Variants in POLR3C observed in about 807,000 individuals in gnomAD.
POLR3C encodes DNA-directed RNA polymerase III subunit RPC3.
POLR3C carries 44 observed loss-of-function variants against 65.9 expected under a neutral mutation model. The ratio of observed to expected loss-of-function variants is 0.67; its 90% CI spans 0.52 to 0.86. The LOEUF is 0.86. Ranked by LOEUF, POLR3C falls within the 40% of genes least tolerant of loss-of-function variation. POLR3C has a pLI of 0.00. For missense variants in POLR3C, 576 were observed against 653.2 expected, an observed-to-expected ratio of 0.88 and a Z score of 1.29; for synonymous variants, 263 against 231.6, an observed-to-expected ratio of 1.14 and a Z score of -1.23.
At position 145,844,348 on chromosome 1, in the gene POLR3C, TG is replaced by T. The variant is rs1414038067; in HGVS notation, c.*1930del. Among the ~76,000 whole-genome samples, 3 of 152,162 alleles carry T rather than the reference TG, an allele frequency of 2.0e-5. No homozygotes were observed. Among genetic ancestry groups the T allele is most frequent in the Admixed American group, 1.3e-4 (2 of 15,278 alleles). The stretch of plus-strand genomic sequence containing the variant: ...TGAAATCCTGTCATTGGCAGCAACA[TG>T]GATGGAATTGGAGGTCATTATGTTA... On this transcript the variant is annotated 3_prime_UTR_variant, in exon 15 of 15. Coordinates refer to ENST00000334163, the MANE Select transcript of POLR3C (RefSeq NM_006468.8).
chr1:145,831,833 G>T (rs1176201325), intron 5 of POLR3C, among the ~76,000 whole-genome samples: 1 of 152,158 alleles, frequency 6.6e-6, no homozygotes, highest in Non-Finnish European at 1.5e-5. Flanking sequence ...CTTGAGCCTA[G>T]GAATTTGAGA....
chr1:145,838,156 G>A lies in POLR3C; in HGVS notation c.1171G>A (p.Ala391Thr). The A allele has an allele frequency of 1.2e-6, 2 of 1,613,712 alleles. No homozygotes were observed. Among genetic ancestry groups the A allele is most frequent in the South Asian group, 1.1e-5 (1 of 91,068 alleles). ...EDFAMIPAKE[A>T]KDMLYKMLSE... is the part of the protein sequence containing the mutation. ...CTTTGCAATGATTCCTGCAAAGGAG[G>A]CAAAGGATATGCTATATAAGATGCT... The change falls in exon 11 of 15, where the codon GCA becomes ACA. Residue 391 changes from alanine (A) to threonine (T), a missense_variant. Coordinates refer to ENST00000334163, the MANE Select transcript of POLR3C (RefSeq NM_006468.8).
At position 145,842,358 on chromosome 1, in the gene POLR3C, C is replaced by T; in HGVS notation, c.1543C>T (p.Gln515Ter). Residue 515 changes from glutamine to a stop codon, truncating the protein, a stop_gained, in exon 15 of 15, where the codon CAG (glutamine) becomes TAG (stop). Coordinates refer to ENST00000334163, the MANE Select transcript of POLR3C (RefSeq NM_006468.8). LOFTEE classifies it high-confidence loss of function. ...ACTCAGGTTGGATGCCAGTGAGATC[C>T]AGGTGGACGAAACCATCTTCCTGCT... is the stretch of plus-strand genomic sequence containing the variant. The part of the protein sequence containing the change: ...NVNKLDASEI[Q>*]VDETIFLLES... The T allele has an allele frequency of 1.2e-6, 2 of 1,609,462 alleles. No homozygotes were observed. The highest frequency in any genetic ancestry group is 1.7e-6 in the Non-Finnish European group (2 of 1,176,586).
intron 14 of POLR3C, among the ~76,000 whole-genome samples, chr1:145,841,294 A>G (rs782804613): frequency 2.0e-5 from 3 of 152,166 alleles, no homozygotes; most frequent in Non-Finnish European, 2.9e-5. Context: ...TCAAGTACTG[A>G]TAAATTTTTT....
At chr1:145,828,937 AAGC>A (rs1248567409) in intron 5 of POLR3C, 100 bp downstream of exon 5, 2 of 704,590 alleles carry the variant, frequency 2.8e-6, no homozygotes, top group African/African-American at 3.5e-5. Context: ...CTGAGCTAAG[AAGC>A]AGTAGGATTA....
chr1:145,838,251 C>T (rs782589791), intron 11 of POLR3C, 45 bp downstream of exon 11: 3 of 1,554,464 alleles, frequency 1.9e-6, no homozygotes, highest in African/African-American at 2.7e-5. Flanking sequence ...CAAAGCTGGC[C>T]TAGGGTGAGA....
intron 2 of POLR3C, 102 bp downstream of exon 2, chr1:145,826,025 A>C (rs1453141037): frequency 1.1e-6 from 1 of 916,846 alleles, no homozygotes; most frequent in Non-Finnish European, 1.7e-6. Flanking sequence ...AAAATGAAGA[A>C]AGCCTGCCCT....
chr1:145,834,841 T>C (rs1306352447), intron 7 of POLR3C, among the ~76,000 whole-genome samples: 2 of 152,020 alleles, frequency 1.3e-5, no homozygotes, highest in Non-Finnish European at 2.9e-5. Context: ...TTTATATTGT[T>C]TATTTTAAAG....
intron 10 of POLR3C, 68 bp downstream of exon 10, chr1:145,837,664 A>T: frequency 9.7e-7 from 1 of 1,031,958 alleles, no homozygotes; most frequent in South Asian, 1.3e-5. Context: ...TTTGATCATT[A>T]TGTAAGCCAC....
At chr1:145,832,776 C>T (rs1209865464) in intron 5 of POLR3C, among the ~76,000 whole-genome samples, 1 of 152,122 alleles carries the variant, frequency 6.6e-6, no homozygotes, top group Non-Finnish European at 1.5e-5. Context: ...ATAATCCCAG[C>T]ACTTGGAGTC....
intron 5 of POLR3C, among the ~76,000 whole-genome samples, chr1:145,832,577 AAAG>A (rs1444589969): frequency 2.6e-5 from 4 of 152,168 alleles, no homozygotes; most frequent in African/African-American, 9.7e-5. Flanking sequence ...CAAGAACAAA[AAAG>A]AAATGTGGTG....
Position 145,825,811 on chromosome 1 carries a change from T to A in POLR3C, c.35T>A (p.Leu12Ter). Residue 12 changes from leucine to a stop codon, truncating the protein, a stop_gained, in exon 2 of 15, where the codon TTG (leucine) becomes TAG (stop). Coordinates refer to ENST00000334163, the MANE Select transcript of POLR3C (RefSeq NM_006468.8). LOFTEE classifies it high-confidence loss of function. ...GCAGAAATTAAGCTCTGTTCTTTGT[T>A]GCTGCAAGAGCATTTTGGAGAGATT... ...TQAEIKLCSL[L>*]LQEHFGEIVE... 1 of 1,613,550 alleles carries A rather than the reference T, an allele frequency of 6.2e-7. No individual in the cohort carries two copies. Among genetic ancestry groups the A allele is most frequent in the Non-Finnish European group, 8.5e-7 (1 of 1,179,428 alleles).
intron 4 of POLR3C, among the ~76,000 whole-genome samples, 182 bp from the exon 5 acceptor site, chr1:145,828,567 T>C (rs368388900): frequency 6.6e-6 from 1 of 152,170 alleles, no homozygotes; most frequent in South Asian, 2.1e-4. Context: ...TTTTTGAACA[T>C]GTTGAGTTTC....
rs115074323 is a variant in POLR3C, at chr1:145,839,657, G to A, written c.1222-233G>A. ...CTGAGGTGGGAGGATTGCTTGAGCCGGAGGTGGAAGTTGCAGTGAGCTGAT... is the reference window on the plus strand; with the variant it reads ...CTGAGGTGGGAGGATTGCTTGAGCCAGAGGTGGAAGTTGCAGTGAGCTGAT... On this transcript the variant is annotated intron_variant, in intron 11 of 14. Coordinates refer to ENST00000334163, the MANE Select transcript of POLR3C (RefSeq NM_006468.8). 509 of 416,744 alleles carry A rather than the reference G, an allele frequency of 1.2e-3. 2 individuals are homozygous for A. Among genetic ancestry groups the A allele is most frequent in the African/African-American group, 9.1e-3 (449 of 49,300 alleles). 25.8% of individuals were successfully genotyped at this position (416,744 alleles called of 1,614,324 possible).
At chr1:145,833,749 T>G (rs1408229425) in intron 7 of POLR3C, among the ~76,000 whole-genome samples, 167 bp downstream of exon 7, 1 of 152,064 alleles carries the variant, frequency 6.6e-6, no homozygotes, top group Non-Finnish European at 1.5e-5. Context: ...ATGTTTGGTC[T>G]CTTAGGATCC....
chr1:145,840,229 C>T, intron 13 of POLR3C, 64 bp downstream of exon 13: 1 of 1,072,174 alleles, frequency 9.3e-7, no homozygotes, highest in East Asian at 2.4e-5. Flanking sequence ...GGGGAAATTT[C>T]CTCTAGAAAT....
chr1:145,835,357 A>G (rs1437158328), intron 7 of POLR3C, among the ~76,000 whole-genome samples: 1 of 151,188 alleles, frequency 6.6e-6, no homozygotes, highest in Non-Finnish European at 1.5e-5. Flanking sequence ...AGGCAGGAGA[A>G]TCGCTTGAAC....
chr1:145,844,288 C>A lies in POLR3C; in HGVS notation c.*1868C>A, dbSNP rs1287396547. On this transcript the variant is annotated 3_prime_UTR_variant, in exon 15 of 15. Transcript: ENST00000334163. ...TAAGTGCCCATCAATAGATGAAAGG[C>A]TAAAGAAAATGTATTATTCAGCCAT... 6.6e-6 allele frequency among the ~76,000 whole-genome samples: 1 copy of A among 152,122 alleles called. No homozygotes were observed. The highest frequency in any genetic ancestry group is 1.5e-5 in the Non-Finnish European group (1 of 68,028).
chr1:145,842,979 ATTT>A lies in POLR3C; in HGVS notation c.*563_*565del, dbSNP rs1553731041. Among the ~76,000 whole-genome samples the A allele has an allele frequency of 2.0e-5, 3 of 151,232 alleles. No individual in the cohort carries two copies. Among genetic ancestry groups the A allele is most frequent in the Non-Finnish European group, 4.4e-5 (3 of 67,586 alleles). ...AGGCATGCACCACACATACCCAGCT[ATTT>A]TTTATTTATTTATTTATTTTTTTGT... On this transcript the variant is annotated 3_prime_UTR_variant, in exon 15 of 15. Coordinates refer to ENST00000334163, the MANE Select transcript of POLR3C (RefSeq NM_006468.8).
Sources: allele counts gnomAD v4.1 joint callset (sites outside exome capture counted in the v4.1 genomes callset), GRCh38; gene constraint gnomAD v4.1.1; transcripts MANE v1.5; gene names NCBI Gene and HGNC (gene_info 2026-07-23, HGNC 2026-07-21).